The following MACROH2A2 variants were observed in gnomAD, a reference collection of about 807,000 sequenced individuals.
MACROH2A2 encodes core histone macro-H2A.2.
Under a neutral mutation model 37.6 loss-of-function variants are expected in MACROH2A2, and 6 were observed. The observed-to-expected ratio is 0.16, with a 90% CI of 0.09 to 0.32. The LOEUF is 0.32. Among genes scored for constraint, MACROH2A2 ranks in the 10% least tolerant of loss-of-function variants. MACROH2A2 has a pLI of 1.00. For synonymous variants in MACROH2A2, 192 were observed against 202.7 expected (o/e 0.95, Z 0.45); for missense variants, 290 against 485.9 (o/e 0.60, Z 3.79).
intron 2 of MACROH2A2, among the ~76,000 whole-genome samples, chr10:70,088,278 C>T (rs1043244634): frequency 6.6e-5 from 10 of 151,848 alleles, no homozygotes; most frequent in South Asian, 2.1e-4. Flanking sequence ...AGTACATTCA[C>T]GCACACGCAC....
At position 70,107,663 on chromosome 10, in the gene MACROH2A2, G is replaced by A. The variant is rs1384134443; in HGVS notation, c.779-1370G>A. ...TTAGGGGAGTAAACAGTAAAACAAA[G>A]GAGTATGACAGAAATTGTGAGACAA... On this transcript the variant is annotated intron_variant, in intron 7 of 8. Transcript: ENST00000373255. The surrounding 1 kb of genome is among the most constrained non-coding windows in gnomAD (Gnocchi z 4.4). Among the ~76,000 whole-genome samples, 1 of 152,204 alleles carries A rather than the reference G, an allele frequency of 6.6e-6. No individual in the cohort carries two copies. The highest frequency in any genetic ancestry group is 1.5e-5 in the Non-Finnish European group (1 of 68,036).
intron 2 of MACROH2A2, 30 bp from the exon 3 acceptor site, chr10:70,090,030 T>C: frequency 5.0e-6 from 7 of 1,391,072 alleles, no homozygotes; most frequent in Non-Finnish European, 7.2e-6. Context: ...CATTCTGTGA[T>C]TGCCTGTTAA....
chr10:70,073,095 A>G (rs1160657057), intron 1 of MACROH2A2, among the ~76,000 whole-genome samples: 1 of 152,224 alleles, frequency 6.6e-6, no homozygotes, highest in Non-Finnish European at 1.5e-5. Context: ...CGCTATGCCC[A>G]GGACTTTCTG....
At chr10:70,088,846 G>A (rs2072227047) in intron 2 of MACROH2A2, among the ~76,000 whole-genome samples, 1 of 152,228 alleles carries the variant, frequency 6.6e-6, no homozygotes, top group Non-Finnish European at 1.5e-5. Flanking sequence ...GCTCAGGCCT[G>A]TAATCCCAGC....
At chr10:70,061,631 A>C (rs1275627432) in intron 1 of MACROH2A2, among the ~76,000 whole-genome samples, 1 of 152,174 alleles carries the variant, frequency 6.6e-6, no homozygotes. Context: ...CTCTAGAGTG[A>C]CCACACATGC....
intron 3 of MACROH2A2, among the ~76,000 whole-genome samples, chr10:70,090,848 T>C (rs2072240601): frequency 6.6e-6 from 1 of 152,390 alleles, no homozygotes; most frequent in South Asian, 2.1e-4. Flanking sequence ...AGTTTCTAGA[T>C]GCTTGCTATA....
intron 2 of MACROH2A2, 114 bp from the exon 3 acceptor site, chr10:70,089,946 A>C: frequency 1.3e-6 from 1 of 754,792 alleles, no homozygotes; most frequent in Admixed American, 1.9e-5. Context: ...CCAGGCCGAG[A>C]CATAGAAATC....
At chr10:70,059,401 C>T (rs2072038033) in intron 1 of MACROH2A2, among the ~76,000 whole-genome samples, 2 of 150,076 alleles carry the variant, frequency 1.3e-5, no homozygotes, top group South Asian at 4.2e-4. Context: ...GAGACAGAGT[C>T]TCACTCTGTC....
At chr10:70,084,138 A>G (rs1258326248) in intron 2 of MACROH2A2, among the ~76,000 whole-genome samples, 1 of 152,188 alleles carries the variant, frequency 6.6e-6, no homozygotes, top group South Asian at 2.1e-4. Context: ...TGTCATTTAC[A>G]TGTCATTTCC....
chr10:70,056,115 A>G (rs1463461268), intron 1 of MACROH2A2, among the ~76,000 whole-genome samples: 1 of 152,256 alleles, frequency 6.6e-6, no homozygotes, highest in Non-Finnish European at 1.5e-5. Flanking sequence ...AAATGGACAG[A>G]AAAAGTATAG....
intron 4 of MACROH2A2, among the ~76,000 whole-genome samples, chr10:70,092,676 G>T (rs1839080274): frequency 6.6e-6 from 1 of 152,228 alleles, no homozygotes; most frequent in African/African-American, 2.4e-5. Context: ...GGTTAGAGCT[G>T]AAATGGGTCT....
intron 3 of MACROH2A2, among the ~76,000 whole-genome samples, chr10:70,090,713 A>T (rs2072239119): frequency 6.6e-6 from 1 of 152,234 alleles, no homozygotes; most frequent in Non-Finnish European, 1.5e-5. Flanking sequence ...TGGCCAATCC[A>T]TCATGGACTG....
chr10:70,074,159 T>C (rs2072126854), intron 1 of MACROH2A2, among the ~76,000 whole-genome samples: 1 of 152,204 alleles, frequency 6.6e-6, no homozygotes, highest in Non-Finnish European at 1.5e-5. Flanking sequence ...CAAGATCTAC[T>C]ACAATTTTCT....
At chr10:70,096,161 A>C (rs1390052635) in intron 6 of MACROH2A2, among the ~76,000 whole-genome samples, 2 of 152,148 alleles carry the variant, frequency 1.3e-5, no homozygotes, top group Admixed American at 6.6e-5. Context: ...ATCTGTCTTG[A>C]ATTTTGTAAA....
chr10:70,067,323 A>G (rs550533825), intron 1 of MACROH2A2, among the ~76,000 whole-genome samples: 1 of 152,398 alleles, frequency 6.6e-6, no homozygotes, highest in African/African-American at 2.4e-5. Flanking sequence ...GAGAGGAGCT[A>G]TACAAGAAAG....
chr10:70,075,551 A>G lies in MACROH2A2; in HGVS notation c.-59-49A>G. ...CCCAAGGGCCATGCCACTGTGCCCA[A>G]GATGTTTGCCAACTACCCTTCCTCA... On this transcript the variant is annotated intron_variant, in intron 1 of 8. Transcript: ENST00000373255. This position sits in a 1 kb window ranked among gnomAD's most constrained non-coding sequence, Gnocchi z 5.0. 9.1e-7 allele frequency: 1 copy of G among 1,099,230 alleles called. No individual in the cohort carries two copies. 68.1% of individuals were successfully genotyped at this position (1,099,230 alleles called of 1,614,324 possible).
At chr10:70,074,568 A>G (rs1249617393) in intron 1 of MACROH2A2, among the ~76,000 whole-genome samples, 2 of 152,208 alleles carry the variant, frequency 1.3e-5, no homozygotes, top group Non-Finnish European at 2.9e-5. Context: ...ATCTTGAATT[A>G]TAGCTCCCAT....
rs142335700 is a variant in MACROH2A2, at chr10:70,107,152, C to T, written c.779-1881C>T. Among the ~76,000 whole-genome samples, 1 of 152,320 alleles carries T rather than the reference C, an allele frequency of 6.6e-6. No homozygotes were observed. The highest frequency in any genetic ancestry group is 1.5e-5 in the Non-Finnish European group (1 of 68,026). On this transcript the variant is annotated intron_variant, in intron 7 of 8. Coordinates refer to ENST00000373255, the MANE Select transcript of MACROH2A2 (RefSeq NM_018649.3). The surrounding 1 kb of genome is among the most constrained non-coding windows in gnomAD (Gnocchi z 4.4). ...TATTGTGTGGCCTGGGTCCTGCACT[C>T]AGGCGTTCACGTGTGATGACACTGA...
At position 70,075,713 on chromosome 10, in the gene MACROH2A2, G is replaced by T; in HGVS notation, c.55G>T (p.Ala19Ser). 2 of 1,614,182 alleles carry T rather than the reference G, an allele frequency of 1.2e-6. No individual in the cohort carries two copies. Among genetic ancestry groups the T allele is most frequent in the Non-Finnish European group, 1.7e-6 (2 of 1,180,010 alleles). The change falls in exon 2 of 9, where the codon GCA (alanine) becomes TCA (serine). Residue 19 changes from alanine to serine, a missense_variant. By Grantham distance (99) the Ala-to-Ser change is moderately conservative. This residue lies in a region of MACROH2A2 where 83 missense variants were observed against 159.9 expected (regional missense o/e 0.52). Coordinates refer to ENST00000373255, the MANE Select transcript of MACROH2A2 (RefSeq NM_018649.3). This position sits in a 1 kb window ranked among gnomAD's most constrained non-coding sequence, Gnocchi z 5.0. ...GTCCAAGCTGTCCCGTTCAGCTAGG[G>T]CAGGTGTCATCTTTCCAGTGGGGAG... is the stretch of plus-strand genomic sequence containing the variant. ...KMSKLSRSAR[A>S]GVIFPVGRLM...
Sources: allele counts gnomAD v4.1 joint callset (sites outside exome capture counted in the v4.1 genomes callset), GRCh38; gene constraint gnomAD v4.1.1; regional missense constraint gnomAD v4.1.1; non-coding constraint Gnocchi (gnomAD v3.1); transcripts MANE v1.5; gene names NCBI Gene and HGNC (gene_info 2026-07-23, HGNC 2026-07-21).